The following SBF2 variants were observed in gnomAD, a reference collection of about 807,000 sequenced individuals.
The protein encoded by SBF2 is SET binding factor 2, also known as myotubularin-related protein 13.
In SBF2, 112 loss-of-function variants were observed where a neutral mutation model predicts 225.2. The observed-to-expected ratio is 0.50, with a 90% CI of 0.43 to 0.58. The LOEUF (loss-of-function observed/expected upper bound fraction) is 0.58. Ranked by LOEUF, SBF2 falls within the 20% of genes least tolerant of loss-of-function variation. The pLI is 0.00. For synonymous variants in SBF2, 763 were observed against 773.3 expected, an observed-to-expected ratio of 0.99 and a Z score of 0.22; for missense variants, 1,996 against 2,206.2, an observed-to-expected ratio of 0.90 and a Z score of 1.91.
intron 6 of SBF2, among the ~76,000 whole-genome samples, chr11:10,012,708 TCTTG>T (rs1948503561): frequency 6.6e-6 from 1 of 152,204 alleles, no homozygotes; most frequent in Non-Finnish European, 1.5e-5. Context: ...TTTGAATGCC[TCTTG>T]CTTTTTGGTA....
intron 2 of SBF2, among the ~76,000 whole-genome samples, chr11:10,183,812 G>C (rs1031625873): frequency 2.6e-5 from 4 of 152,166 alleles, no homozygotes; most frequent in African/African-American, 9.7e-5. Context: ...GCAGAGAGTA[G>C]AATTGTGGTT....
chr11:9,784,111 C>G (rs755630493), intron 38 of SBF2, among the ~76,000 whole-genome samples: 2 of 152,132 alleles, frequency 1.3e-5, no homozygotes, highest in African/African-American at 2.4e-5. Flanking sequence ...GCTCTGGGCT[C>G]AATTGTTGCT....
chr11:10,130,696 C>T (rs539371038), intron 2 of SBF2, among the ~76,000 whole-genome samples: 3 of 152,216 alleles, frequency 2.0e-5, no homozygotes, highest in South Asian at 4.1e-4. Flanking sequence ...TCACCCAACC[C>T]CGCCCCCACA....
chr11:10,093,641 A>G (rs536716552), intron 2 of SBF2, among the ~76,000 whole-genome samples: 2 of 152,332 alleles, frequency 1.3e-5, no homozygotes, highest in African/African-American at 4.8e-5. Flanking sequence ...TATTTCTTAA[A>G]GCAATAAATA....
intron 6 of SBF2, among the ~76,000 whole-genome samples, chr11:10,007,696 G>A (rs964594425): frequency 6.6e-6 from 1 of 152,024 alleles, no homozygotes; most frequent in Non-Finnish European, 1.5e-5. Flanking sequence ...AAAAGATGAC[G>A]GCTCAAACCC....
chr11:10,175,013 G>T (rs1009701794), intron 2 of SBF2, among the ~76,000 whole-genome samples: 1 of 151,810 alleles, frequency 6.6e-6, no homozygotes, highest in Non-Finnish European at 1.5e-5. Context: ...TGAAGGAAGC[G>T]CTAAACATGG....
chr11:10,299,212 C>A (rs1460756257), upstream of SBF2, among the ~76,000 whole-genome samples: 1 of 151,834 alleles, frequency 6.6e-6, no homozygotes, highest in African/African-American at 2.4e-5. Context: ...GTGGCGGGCA[C>A]CTGTAGTCCC....
intron 16 of SBF2, among the ~76,000 whole-genome samples, chr11:9,920,249 A>G (rs1315502690): frequency 2.6e-5 from 4 of 151,464 alleles, no homozygotes; most frequent in African/African-American, 9.7e-5. Context: ...TCATATATGT[A>G]TATTTATTTA....
chr11:10,206,252 G>T (rs1565353906), intron 1 of SBF2, among the ~76,000 whole-genome samples: 1 of 150,964 alleles, frequency 6.6e-6, no homozygotes, highest in Non-Finnish European at 1.5e-5. Context: ...GCTGCCTGAG[G>T]TGACAGAAGG....
chr11:10,195,806 T>C (rs1008162076), intron 1 of SBF2, among the ~76,000 whole-genome samples: 1 of 152,230 alleles, frequency 6.6e-6, no homozygotes, highest in African/African-American at 2.4e-5. Flanking sequence ...AAATGAATAA[T>C]TGCTGCAGTA....
chr11:9,999,679 C>A (rs1947868215), intron 8 of SBF2, among the ~76,000 whole-genome samples: 1 of 152,114 alleles, frequency 6.6e-6, no homozygotes, highest in South Asian at 2.1e-4. Flanking sequence ...GGTGGATATG[C>A]TTCTAACTAG....
intron 1 of SBF2, among the ~76,000 whole-genome samples, chr11:10,235,455 A>G (rs1959029147): frequency 1.4e-5 from 2 of 147,824 alleles, no homozygotes; most frequent in Non-Finnish European, 3.0e-5. Flanking sequence ...TGAACCCGGG[A>G]GGGAGAGGTT....
chr11:10,073,731 AC>A (rs1404657229), intron 2 of SBF2, among the ~76,000 whole-genome samples: 1 of 152,128 alleles, frequency 6.6e-6, no homozygotes, highest in Non-Finnish European at 1.5e-5. Flanking sequence ...ACTCAAAAAA[AC>A]AAAAAAAAAG....
chr11:9,844,040 T>C (rs1248343755), intron 24 of SBF2, among the ~76,000 whole-genome samples: 3 of 152,224 alleles, frequency 2.0e-5, no homozygotes, highest in South Asian at 2.1e-4. Flanking sequence ...CTGAAACTAA[T>C]ATAAATATAC....
intron 2 of SBF2, among the ~76,000 whole-genome samples, chr11:10,116,776 T>G (rs1953163790): frequency 6.6e-6 from 1 of 152,222 alleles, no homozygotes; most frequent in Non-Finnish European, 1.5e-5. Context: ...TGTCACCCTC[T>G]TACTAGCAGG....
chr11:10,037,257 T>C (rs569793049), intron 3 of SBF2, among the ~76,000 whole-genome samples: 16 of 152,162 alleles, frequency 1.1e-4, no homozygotes, highest in Non-Finnish European at 2.4e-4. Flanking sequence ...TTGTAAATTA[T>C]CAAACTATAG....
chr11:10,289,958 A>T (rs892546410), intron 1 of SBF2, among the ~76,000 whole-genome samples: 1 of 152,126 alleles, frequency 6.6e-6, no homozygotes, highest in African/African-American at 2.4e-5. Context: ...TCAGGGATGC[A>T]GGGCACAGGG....
At chr11:10,095,092 A>AT (rs917475376) in intron 2 of SBF2, among the ~76,000 whole-genome samples, 32 of 148,510 alleles carry the variant, frequency 2.2e-4, no homozygotes, top group South Asian at 4.3e-4. Flanking sequence ...GCCGAGCTAA[A>AT]TTTTTTTTTT....
chr11:9,881,733 C>T (rs1859775563), intron 17 of SBF2, among the ~76,000 whole-genome samples: 1 of 151,886 alleles, frequency 6.6e-6, no homozygotes, highest in African/African-American at 2.4e-5. Flanking sequence ...TACAACACTC[C>T]CCATCCCCCC....
Sources: allele counts gnomAD v4.1 joint callset (sites outside exome capture counted in the v4.1 genomes callset), GRCh38; gene constraint gnomAD v4.1.1; transcripts MANE v1.5; gene names NCBI Gene and HGNC (gene_info 2026-07-23, HGNC 2026-07-21).